CADM2: variants seen among roughly 807,000 people sequenced by gnomAD.
The protein encoded by CADM2 is immunoglobulin superfamily member 4D.
In CADM2, 12 loss-of-function variants were observed where a neutral mutation model predicts 49.8. That is an observed-to-expected ratio of 0.24 (90% CI 0.15 to 0.39). The LOEUF is 0.39. Ranked by LOEUF, CADM2 falls within the 10% of genes least tolerant of loss-of-function variation. CADM2 has a pLI of 1.00. For synonymous variants in CADM2, 214 were observed against 175.4 expected (o/e 1.22, Z -1.74); for missense variants, 378 against 492.3 (o/e 0.77, Z 2.20).
At chr3:85,615,522 T>G (rs1183250827) in intron 1 of CADM2, among the ~76,000 whole-genome samples, 1 of 151,988 alleles carries the variant, frequency 6.6e-6, no homozygotes, top group Non-Finnish European at 1.5e-5. Flanking sequence ...AAATCCTTAC[T>G]GACCCTATTT....
chr3:85,909,992 T>G (rs1286974700), intron 5 of CADM2, among the ~76,000 whole-genome samples: 1 of 152,180 alleles, frequency 6.6e-6, no homozygotes. Context: ...CTATAATCTA[T>G]CACATAAGCC....
At chr3:85,742,581 T>TA (rs1408019317) in intron 2 of CADM2, among the ~76,000 whole-genome samples, 2 of 152,222 alleles carry the variant, frequency 1.3e-5, no homozygotes, top group African/African-American at 4.8e-5. Context: ...ATAGAGTAGT[T>TA]ATTTCAGAGC....
chr3:85,460,019 G>A (rs1023565001), intron 1 of CADM2, among the ~76,000 whole-genome samples: 5 of 152,062 alleles, frequency 3.3e-5, no homozygotes, highest in South Asian at 2.1e-4. Context: ...TAGGCTTTAC[G>A]TGAAGAAACC....
intron 8 of CADM2, among the ~76,000 whole-genome samples, chr3:86,057,776 A>C (rs1361597507): frequency 6.6e-6 from 1 of 152,164 alleles, no homozygotes; most frequent in African/African-American, 2.4e-5. Context: ...AGGATGAAGA[A>C]GCATAAATAA....
intron 2 of CADM2, among the ~76,000 whole-genome samples, chr3:85,780,591 C>T (rs1334098738): frequency 1.3e-5 from 2 of 152,154 alleles, no homozygotes; most frequent in Non-Finnish European, 2.9e-5. Flanking sequence ...AAAACATTGC[C>T]TTCTGCTTTC....
intron 1 of CADM2, among the ~76,000 whole-genome samples, chr3:85,595,142 CA>C (rs1333637569): frequency 2.6e-5 from 4 of 151,994 alleles, no homozygotes; most frequent in Admixed American, 6.6e-5. Context: ...GGAACTAATG[CA>C]TTTCAGTACT....
chr3:86,036,480 C>T (rs906032946), intron 8 of CADM2, among the ~76,000 whole-genome samples: 6 of 152,062 alleles, frequency 3.9e-5, no homozygotes, highest in African/African-American at 1.4e-4. Flanking sequence ...CCCTTAATTC[C>T]AAATATAGTG....
At chr3:85,520,579 A>G (rs2061007669) in intron 1 of CADM2, among the ~76,000 whole-genome samples, 1 of 152,056 alleles carries the variant, frequency 6.6e-6, no homozygotes, top group Admixed American at 6.6e-5. Context: ...AAATATTGCC[A>G]CTTTCCTATT....
At chr3:85,719,878 A>G (rs948807796) in intron 1 of CADM2, among the ~76,000 whole-genome samples, 1 of 152,112 alleles carries the variant, frequency 6.6e-6, no homozygotes, top group African/African-American at 2.4e-5. Context: ...AATATACTAA[A>G]CATTGTACAT....
At chr3:85,413,620 G>C (rs2035779484) in intron 1 of CADM2, among the ~76,000 whole-genome samples, 1 of 152,140 alleles carries the variant, frequency 6.6e-6, no homozygotes, top group African/African-American at 2.4e-5. Flanking sequence ...GAGAAAGAGA[G>C]GGCGGCAGGG....
At chr3:85,907,450 A>G (rs1460226112) in intron 5 of CADM2, among the ~76,000 whole-genome samples, 1 of 152,140 alleles carries the variant, frequency 6.6e-6, no homozygotes, top group African/African-American at 2.4e-5. Context: ...TTCCTAAGAG[A>G]TACCTTCAAG....
At chr3:85,218,171 A>T (rs1184848532) in intron 1 of CADM2, among the ~76,000 whole-genome samples, 1 of 152,156 alleles carries the variant, frequency 6.6e-6, no homozygotes, top group African/African-American at 2.4e-5. Flanking sequence ...AAAAATTATA[A>T]AAGTGGAAAT....
At chr3:85,606,338 GT>G (rs1218340102) in intron 1 of CADM2, among the ~76,000 whole-genome samples, 5 of 151,992 alleles carry the variant, frequency 3.3e-5, no homozygotes, top group Non-Finnish European at 1.5e-5. Flanking sequence ...GAATTCTCTA[GT>G]TCACACTTGC....
intron 1 of CADM2, among the ~76,000 whole-genome samples, chr3:85,624,983 T>C (rs1469933656): frequency 6.6e-6 from 1 of 152,110 alleles, no homozygotes; most frequent in Non-Finnish European, 1.5e-5. Context: ...ACCATCTCTA[T>C]CTTGGACAAC....
At chr3:85,683,316 C>G (rs1301859884) in intron 1 of CADM2, among the ~76,000 whole-genome samples, 1 of 152,084 alleles carries the variant, frequency 6.6e-6, no homozygotes, top group African/African-American at 2.4e-5. Flanking sequence ...CAGAATTACC[C>G]TAACACGATA....
At chr3:85,629,903 TCTAC>T (rs2064253575) in intron 1 of CADM2, among the ~76,000 whole-genome samples, 2 of 151,980 alleles carry the variant, frequency 1.3e-5, no homozygotes. Context: ...AATAAAAGTA[TCTAC>T]TTCATATGGT....
At chr3:85,548,295 G>A (rs1275911595) in intron 1 of CADM2, among the ~76,000 whole-genome samples, 6 of 58,226 alleles carry the variant, frequency 1.0e-4, no homozygotes, top group Admixed American at 9.3e-4. Flanking sequence ...CTTATTTCAC[G>A]TTCTTTCATT....
At chr3:85,470,920 T>A (rs1456834589) in intron 1 of CADM2, among the ~76,000 whole-genome samples, 1 of 152,152 alleles carries the variant, frequency 6.6e-6, no homozygotes, top group Non-Finnish European at 1.5e-5. Flanking sequence ...AAAAATATAT[T>A]TTGTTTTGTG....
intron 1 of CADM2, among the ~76,000 whole-genome samples, chr3:85,577,569 T>G (rs552572810): frequency 6.6e-6 from 1 of 152,342 alleles, no homozygotes; most frequent in South Asian, 2.1e-4. Context: ...CTGTGATATT[T>G]TGTTATAGAA....
Sources: gnomAD v4.1 joint callset for allele counts (sites outside exome capture counted in the v4.1 genomes callset) on GRCh38, gnomAD v4.1.1 for gene constraint, MANE v1.5 for transcripts, NCBI Gene and HGNC (gene_info 2026-07-23, HGNC 2026-07-21) for gene names.